The following NF1 variants were observed in gnomAD, a reference collection of about 807,000 sequenced individuals.
NF1 encodes neurofibromin 1.
A neutral mutation model predicts 325.7 loss-of-function variants in NF1; 122 were observed. The observed-to-expected ratio is 0.37, with a 90% CI of 0.32 to 0.44. The LOEUF (loss-of-function observed/expected upper bound fraction) is 0.44, where lower values mean the gene tolerates loss of function less well. Among genes scored for constraint, NF1 ranks in the 20% least tolerant of loss-of-function variants. The probability of loss-of-function intolerance (pLI) is 1.00; values close to 1 mark genes in which losing one functional copy is unlikely to be tolerated. For synonymous variants in NF1, 1,091 were observed against 1,186.0 expected (o/e 0.92, Z 1.65); for missense variants, 2,140 against 3,415.4 (o/e 0.63, Z 9.31).
At chr17:31,095,571 G>A in intron 1 of NF1, 1 of 588,490 alleles carries the variant, frequency 1.7e-6, no homozygotes, top group Non-Finnish European at 3.0e-6. Flanking sequence ...CTGGGAGCTT[G>A]GGCACCCTTT....
intron 11 of NF1, among the ~76,000 whole-genome samples, chr17:31,202,122 A>G (rs17883846): frequency 6.6e-6 from 1 of 152,228 alleles, no homozygotes; most frequent in Non-Finnish European, 1.5e-5. Context: ...ATGTGGAGAC[A>G]TTAAATAGAC....
chr17:31,289,730 C>A (rs183585892), intron 36 of NF1, among the ~76,000 whole-genome samples: 9 of 152,034 alleles, frequency 5.9e-5, no homozygotes, highest in Non-Finnish European at 1.5e-5. Context: ...ATTGTTGTTT[C>A]AGTTTTTCTT....
At chr17:31,130,783 A>G (rs1915314363) in intron 1 of NF1, among the ~76,000 whole-genome samples, 1 of 152,150 alleles carries the variant, frequency 6.6e-6, no homozygotes, top group Admixed American at 6.5e-5. Flanking sequence ...GGGAAGGGAA[A>G]ACAAGGTACA....
rs1391368713 is a variant in NF1, at chr17:31,200,913, GCTT to G, written c.1063-118_1063-116del. The G allele has an allele frequency of 2.2e-6, 3 of 1,350,410 alleles. No homozygotes were observed. In the African/African-American group the frequency reaches 4.3e-5, roughly 19 times the overall value. The allele number at this position is 1,350,410 out of a possible 1,614,324, so 83.7% of individuals were successfully genotyped here. A position where few individuals can be genotyped will look rare whatever the true frequency, so the allele number is the denominator to read the frequency against. ...ATGAACCACAGTATGGGTGCTTTGTGCTTCTTCTGGCAGCTGGATTTTACTGCC... is the reference window on the plus strand; with the variant it reads ...ATGAACCACAGTATGGGTGCTTTGTGCTTCTGGCAGCTGGATTTTACTGCC... On this transcript the variant is annotated intron_variant, in intron 9 of 57. Transcript: ENST00000358273.
At chr17:31,201,859 T>TA (rs2066537145) in intron 11 of NF1, among the ~76,000 whole-genome samples, 1 of 152,188 alleles carries the variant, frequency 6.6e-6, no homozygotes, top group Non-Finnish European at 1.5e-5. Context: ...CTTGCCACCT[T>TA]ACCATTTAAG....
rs2070705991 is a variant in NF1, at chr17:31,374,606, A to C, written c.*451A>C. ...ATTTTTCAAGATACAAGTTTATGAGAGAAATAGTATTATAACCCCAGTATG... is the reference window on the plus strand; with the variant it reads ...ATTTTTCAAGATACAAGTTTATGAGCGAAATAGTATTATAACCCCAGTATG... On this transcript the variant is annotated 3_prime_UTR_variant, in exon 58 of 58. Coordinates refer to ENST00000358273, the MANE Select transcript of NF1 (RefSeq NM_001042492.3). 1 of 298,972 alleles carries C rather than the reference A, an allele frequency of 3.3e-6. No individual in the cohort carries two copies. 18.5% of individuals were successfully genotyped at this position (298,972 alleles called of 1,614,324 possible).
intron 36 of NF1, among the ~76,000 whole-genome samples, chr17:31,283,183 C>T (rs1024281479): frequency 1.3e-5 from 2 of 152,020 alleles, no homozygotes; most frequent in Non-Finnish European, 1.5e-5. Context: ...TTTGGGAGGC[C>T]GAGGCGGGCG....
intron 47 of NF1, among the ~76,000 whole-genome samples, chr17:31,341,937 T>G (rs1317248419): frequency 6.6e-6 from 1 of 152,078 alleles, no homozygotes; most frequent in Non-Finnish European, 1.5e-5. Flanking sequence ...ACAGTGAGAT[T>G]TGCTTGAAGT....
chr17:31,247,113 T>C (rs1159449079), intron 29 of NF1, among the ~76,000 whole-genome samples: 1 of 151,446 alleles, frequency 6.6e-6, no homozygotes, highest in Admixed American at 6.6e-5. Context: ...GGAGAATTGC[T>C]TGAACCTGGA....
At chr17:31,293,555 G>T (rs893789644) in intron 36 of NF1, among the ~76,000 whole-genome samples, 7 of 151,976 alleles carry the variant, frequency 4.6e-5, no homozygotes, top group Non-Finnish European at 8.8e-5. Flanking sequence ...CCATAATCCT[G>T]GTCCTTAAAA....
intron 5 of NF1, 73 bp from the exon 6 acceptor site, chr17:31,181,349 A>C: frequency 7.3e-7 from 1 of 1,369,438 alleles, no homozygotes; most frequent in South Asian, 1.2e-5. Context: ...GTAAATGGAA[A>C]GTTATTTTGC....
chr17:31,189,843 C>T (rs1236998795), intron 8 of NF1, among the ~76,000 whole-genome samples: 1 of 148,360 alleles, frequency 6.7e-6, no homozygotes, highest in Non-Finnish European at 1.5e-5. Flanking sequence ...CTTAGTGCAA[C>T]CCCCGCCTCT....
At chr17:31,295,310 T>C (rs750843555) in intron 36 of NF1, 13 of 1,614,042 alleles carry the variant, frequency 8.1e-6, no homozygotes, top group Non-Finnish European at 1.1e-5. Flanking sequence ...ATTGATAGTC[T>C]CTGTGGATGT....
At chr17:31,223,288 A>AT (rs1257072834) in intron 15 of NF1, among the ~76,000 whole-genome samples, 156 bp from the exon 16 acceptor site, 3 of 152,158 alleles carry the variant, frequency 2.0e-5, no homozygotes, top group Non-Finnish European at 4.4e-5. Context: ...TTATAATGCT[A>AT]TTGACACTTT....
At chr17:31,182,965 A>G (rs957039046) in intron 8 of NF1, 1 of 586,062 alleles carries the variant, frequency 1.7e-6, no homozygotes. Flanking sequence ...TTTCTCTAAT[A>G]TTCACTACAA....
At chr17:31,129,055 C>T (rs557551525) in intron 1 of NF1, among the ~76,000 whole-genome samples, 1 of 152,240 alleles carries the variant, frequency 6.6e-6, no homozygotes, top group South Asian at 2.1e-4. Context: ...TCTCTAGCCA[C>T]CTTTAACATT....
At chr17:31,258,001 C>T (rs374724527) in intron 31 of NF1, among the ~76,000 whole-genome samples, 10 of 151,988 alleles carry the variant, frequency 6.6e-5, no homozygotes, top group East Asian at 5.8e-4. Flanking sequence ...AAATTATGAT[C>T]ATCTTTGTGT....
chr17:31,248,066 G>T (rs892719239), intron 29 of NF1, among the ~76,000 whole-genome samples: 1 of 152,106 alleles, frequency 6.6e-6, no homozygotes, highest in Non-Finnish European at 1.5e-5. Context: ...GCCGGGCGTG[G>T]TGGCCCATGC....
rs954454308 is a variant in NF1, at chr17:31,375,089, G to A, written c.*934G>A. ...CTGAGCAGGGTAATCAGTGAACAAA[G>A]TGTTGAAAATTGTTCCCAGAAGGTA... On this transcript the variant is annotated 3_prime_UTR_variant, in exon 58 of 58. Coordinates refer to ENST00000358273, the MANE Select transcript of NF1 (RefSeq NM_001042492.3). 1 of 214,138 alleles carries A rather than the reference G, an allele frequency of 4.7e-6. No homozygotes were observed. Among genetic ancestry groups the A allele is most frequent in the African/African-American group, 2.3e-5 (1 of 44,320 alleles). 13.3% of individuals were successfully genotyped at this position (214,138 alleles called of 1,614,324 possible). A position where few individuals can be genotyped will look rare whatever the true frequency, so the allele number is the denominator to read the frequency against.
Sources: allele counts gnomAD v4.1 joint callset (sites outside exome capture counted in the v4.1 genomes callset), GRCh38; gene constraint gnomAD v4.1.1; transcripts MANE v1.5; gene names NCBI Gene and HGNC (gene_info 2026-07-23, HGNC 2026-07-21).